Variants in LARGE2 observed in about 807,000 individuals in gnomAD.
LARGE2 encodes LARGE xylosyl- and glucuronyltransferase 2.
A neutral mutation model predicts 75.3 loss-of-function variants in LARGE2; 63 were observed. That is an observed-to-expected ratio of 0.84 (90% CI 0.68 to 1.03). LARGE2 has a LOEUF of 1.03. Ranked by LOEUF, LARGE2 falls within the 50% of genes least tolerant of loss-of-function variation. The probability of loss-of-function intolerance (pLI) is 0.00; values close to 1 mark genes in which losing one functional copy is unlikely to be tolerated. For missense variants in LARGE2, 925 were observed against 980.6 expected (o/e 0.94, Z 0.76); for synonymous variants, 428 against 420.1 (o/e 1.02, Z -0.23).
At chr11:45,924,052 T>A in intron 3 of LARGE2, 102 bp from the exon 4 acceptor site, 2 of 1,045,232 alleles carry the variant, frequency 1.9e-6, no homozygotes, top group Non-Finnish European at 2.7e-6. Flanking sequence ...GTGGAAAAGC[T>A]CTTTGCAGAT....
chr11:45,926,733 T>C lies in LARGE2; in HGVS notation c.1187T>C (p.Leu396Pro). The change falls in exon 10 of 14, where the codon CTG (leucine) becomes CCG (proline). Residue 396 changes from leucine (L) to proline (P), a missense_variant. Leu to Pro is a moderately conservative substitution (Grantham distance 98, BLOSUM62 -3). Around this residue, in one of 3 missense-constraint regions of LARGE2, gnomAD observed 469 missense variants for 503.8 expected, o/e 0.93. Transcript: ENST00000401752. ...CAGTTGCAGCAGGCCCTGGCACAAC[T>C]GGACGAGGAAGACCCCTGCTTTGAG... ...AEQLQQALAQLDEEDPCFEFR... is the reference protein window; with the variant it reads ...AEQLQQALAQPDEEDPCFEFR... 1 of 1,613,652 alleles carries C rather than the reference T, an allele frequency of 6.2e-7. No homozygotes were observed. The highest frequency in any genetic ancestry group is 1.7e-5 in the Admixed American group (1 of 59,990).
chr11:45,923,693 G>T, intron 3 of LARGE2, 138 bp downstream of exon 3: 1 of 763,588 alleles, frequency 1.3e-6, no homozygotes, highest in African/African-American at 1.7e-5. Context: ...AAGGGCAGTT[G>T]TAAGAACATC....
rs1430386072 is a variant in LARGE2, at chr11:45,924,498, C to A, written c.493-8C>A. On this transcript the variant is annotated splice_region_variant and splice_polypyrimidine_tract_variant and intron_variant, in intron 4 of 13. Coordinates refer to ENST00000401752, the MANE Select transcript of LARGE2 (RefSeq NM_001300721.2). ...TGCCATCTCATCTCCTGCCTTTCCC[C>A]CACACAGCCCCAGGTCTCCTGGATC... 8.7e-6 allele frequency: 14 copies of A among 1,609,770 alleles called. No individual in the cohort carries two copies. Among genetic ancestry groups the A allele is most frequent in the Non-Finnish European group, 1.2e-5 (14 of 1,177,606 alleles).
chr11:45,923,139 C>G lies in LARGE2; in HGVS notation c.257C>G (p.Pro86Arg). The G allele has an allele frequency of 1.5e-6, 2 of 1,349,624 alleles. No homozygotes were observed. The highest frequency in any genetic ancestry group is 9.4e-7 in the Non-Finnish European group (1 of 1,059,604). 83.6% of individuals were successfully genotyped at this position (1,349,624 alleles called of 1,614,324 possible). Residue 86 changes from proline to arginine, a missense_variant, in exon 2 of 14, where the codon CCG (proline) becomes CGG (arginine). Pro to Arg is a moderately radical substitution (Grantham distance 103). Transcript: ENST00000401752. Reference sequence around the variant, plus strand: ...GACCACAACCGCTCCGACTGCGGCCCGCAGCCGCCGCCGCCGCCCAAGTGC... The same window carrying G: ...GACCACAACCGCTCCGACTGCGGCCGGCAGCCGCCGCCGCCGCCCAAGTGC... ...PGDHNRSDCG[P>R]QPPPPPKCEL...
At chr11:45,923,656 G>A (rs575658756) in intron 3 of LARGE2, 101 bp downstream of exon 3, 81 of 1,053,362 alleles carry the variant, frequency 7.7e-5, no homozygotes, top group Admixed American at 4.0e-4. Context: ...TCTGTGACGC[G>A]GGGACAGTGT....
chr11:45,924,982 C>A, intron 6 of LARGE2, 93 bp downstream of exon 6: 1 of 686,234 alleles, frequency 1.5e-6, no homozygotes, highest in Non-Finnish European at 2.3e-6. Flanking sequence ...GGAAGTCCCC[C>A]AGGAAGAACA....
upstream of LARGE2, among the ~76,000 whole-genome samples, chr11:45,921,965 C>T (rs142648947): frequency 4.9e-3 from 743 of 152,206 alleles, 3 homozygotes; most frequent in African/African-American, 0.017. Flanking sequence ...ATGGGGTGCG[C>T]GGGGGAGAGG....
upstream of LARGE2, chr11:45,921,773 G>A (rs2086929888): frequency 6.6e-6 from 1 of 152,278 alleles, no homozygotes; most frequent in Non-Finnish European, 1.5e-5. Context: ...GGAACGGAGT[G>A]GGGCCGCTTG....
chr11:45,924,634 C>G lies in LARGE2; in HGVS notation c.621C>G (p.Ala207=). 1 of 1,614,106 alleles carries G rather than the reference C, an allele frequency of 6.2e-7. No homozygotes were observed. The highest frequency in any genetic ancestry group is 1.3e-5 in the African/African-American group (1 of 75,062). The change falls in exon 5 of 14, where the codon GCC becomes GCG. Residue 207 remains alanine, a synonymous_variant. Coordinates refer to ENST00000401752, the MANE Select transcript of LARGE2 (RefSeq NM_001300721.2). ...VIVLDTDVTF[A]SDISELWALF... is the part of the protein sequence containing the mutation. ...TCCTGGACACGGATGTCACCTTCGC[C>G]TCTGACATCTCGGAGCTCTGGGCCC...
intron 4 of LARGE2, 76 bp downstream of exon 4, chr11:45,924,353 A>G: frequency 7.0e-6 from 11 of 1,581,880 alleles, no homozygotes; most frequent in Non-Finnish European, 9.4e-6. Flanking sequence ...GTGGGGTTGG[A>G]GAAGAGAATC....
At position 45,926,087 on chromosome 11, in the gene LARGE2, A is replaced by C; in HGVS notation, c.818A>C (p.Gln273Pro). 1 of 1,563,326 alleles carries C rather than the reference A, an allele frequency of 6.4e-7. No homozygotes were observed. The change falls in exon 7 of 14, where the codon CAG (glutamine) becomes CCG (proline). Residue 273 changes from glutamine to proline, a missense_variant. By Grantham distance (76) the Gln-to-Pro change is moderately conservative. Coordinates refer to ENST00000401752, the MANE Select transcript of LARGE2 (RefSeq NM_001300721.2). Reference protein sequence around the residue: ...LDRLRQAGWEQMWRLTARREL... With the variant: ...LDRLRQAGWEPMWRLTARREL... ...CGGCTCCGGCAGGCTGGCTGGGAGCAGATGTGGAGGCTGACAGCCAGGCGG... is the reference window on the plus strand; with the variant it reads ...CGGCTCCGGCAGGCTGGCTGGGAGCCGATGTGGAGGCTGACAGCCAGGCGG...
chr11:45,923,673 C>T (rs2087017304), intron 3 of LARGE2, 118 bp downstream of exon 3: 2 of 902,422 alleles, frequency 2.2e-6, no homozygotes, highest in South Asian at 1.5e-5. Context: ...GTGTCCCCTT[C>T]CTCCCTTAGA....
chr11:45,924,077 T>G (rs1401491274), intron 3 of LARGE2, 77 bp from the exon 4 acceptor site: 2 of 1,493,740 alleles, frequency 1.3e-6, no homozygotes, highest in African/African-American at 1.4e-5. Context: ...CTTCCATCTC[T>G]GCGCCCCTCG....
In LARGE2 at chr11:45,926,090, T is replaced by C; in HGVS notation, c.821T>C (p.Met274Thr). Residue 274 changes from methionine to threonine, a missense_variant, in exon 7 of 14, where the codon ATG (methionine) becomes ACG (threonine). Around this residue, in one of 3 missense-constraint regions of LARGE2, gnomAD observed 453 missense variants for 460.2 expected, o/e 0.98. Transcript: ENST00000401752. ...DRLRQAGWEQMWRLTARRELL... is the reference protein window; with the variant it reads ...DRLRQAGWEQTWRLTARRELL... ...CTCCGGCAGGCTGGCTGGGAGCAGATGTGGAGGCTGACAGCCAGGCGGGAG... is the reference window on the plus strand; with the variant it reads ...CTCCGGCAGGCTGGCTGGGAGCAGACGTGGAGGCTGACAGCCAGGCGGGAG... 1 of 1,563,936 alleles carries C rather than the reference T, an allele frequency of 6.4e-7. No homozygotes were observed. Among genetic ancestry groups the C allele is most frequent in the Non-Finnish European group, 8.7e-7 (1 of 1,154,560 alleles).
intron 13 of LARGE2, 28 bp from the exon 14 acceptor site, chr11:45,928,602 G>A (rs1395033351): frequency 6.2e-7 from 1 of 1,601,242 alleles, no homozygotes; most frequent in Non-Finnish European, 8.5e-7. Context: ...AAGCCAGGCA[G>A]CCACTGCTCC....
rs2087071221 is a variant in LARGE2, at chr11:45,924,620, G to A, written c.607G>A (p.Asp203Asn). 4 of 1,614,138 alleles carry A rather than the reference G, an allele frequency of 2.5e-6. No homozygotes were observed. The highest frequency in any genetic ancestry group is 3.4e-6 in the Non-Finnish European group (4 of 1,180,022). Reference sequence around the variant, plus strand: ...GGCCCGCGTCATTGTCCTGGACACGGATGTCACCTTCGCCTCTGACATCTC... The same window carrying A: ...GGCCCGCGTCATTGTCCTGGACACGAATGTCACCTTCGCCTCTGACATCTC... ...ELARVIVLDT[D>N]VTFASDISEL... The change falls in exon 5 of 14, where the codon GAT becomes AAT. Residue 203 changes from aspartate to asparagine, a missense_variant. This residue lies in a region of LARGE2 where 453 missense variants were observed against 460.2 expected (regional missense o/e 0.98). Transcript: ENST00000401752.
At chr11:45,923,369 C>T (rs2086999727) in intron 2 of LARGE2, 104 bp from the exon 3 acceptor site, 2 of 1,237,662 alleles carry the variant, frequency 1.6e-6, no homozygotes, top group Non-Finnish European at 2.3e-6. Flanking sequence ...CTGCCCCCTC[C>T]GCACACTGTT....
intron 8 of LARGE2, 29 bp downstream of exon 8, chr11:45,926,376 TG>T (rs751169088): frequency 1.9e-6 from 3 of 1,613,812 alleles, no homozygotes; most frequent in Non-Finnish European, 2.5e-6. Context: ...TGTGTGGTGG[TG>T]GGGGGCCATG....
Position 45,924,224 on chromosome 11 carries a change from A to G in LARGE2, c.439A>G (p.Thr147Ala), listed in dbSNP as rs2087048274. The stretch of plus-strand genomic sequence containing the variant: ...AAACATCCTGGAGACGCTCTTCCAC[A>G]CATGGATGGTGCCTGCTGTCCGTGT... ...ARNILETLFH[T>A]WMVPAVRVSF... is the part of the protein sequence containing the mutation. Residue 147 changes from threonine to alanine, a missense_variant, in exon 4 of 14, where the codon ACA becomes GCA. This residue lies in a region of LARGE2 where 453 missense variants were observed against 460.2 expected (regional missense o/e 0.98). Transcript: ENST00000401752. 3 of 1,613,478 alleles carry G rather than the reference A, an allele frequency of 1.9e-6. No homozygotes were observed. In the African/African-American group the frequency reaches 4.0e-5, roughly 22 times the overall value.
Sources: gnomAD v4.1 joint callset for allele counts (sites outside exome capture counted in the v4.1 genomes callset) on GRCh38, gnomAD v4.1.1 for gene constraint, gnomAD v4.1.1 regional missense constraint, MANE v1.5 for transcripts, NCBI Gene and HGNC (gene_info 2026-07-23, HGNC 2026-07-21) for gene names.